Variants in ADAMTS19 observed in about 807,000 individuals in gnomAD.
ADAMTS19 encodes A disintegrin and metalloproteinase with thrombospondin motifs 19.
In ADAMTS19, 93 loss-of-function variants were observed where a neutral mutation model predicts 153.3. The observed-to-expected ratio is 0.61, with a 90% CI of 0.51 to 0.72. The LOEUF (loss-of-function observed/expected upper bound fraction) is 0.72. ADAMTS19 is among the 30% of genes least tolerant of loss of function. The pLI is 0.00. For missense variants in ADAMTS19, 1,482 were observed against 1,552.1 expected (o/e 0.95, Z 0.76); for synonymous variants, 600 against 556.6 (o/e 1.08, Z -1.10).
chr5:129,589,509 A>G (rs948859042), intron 7 of ADAMTS19, among the ~76,000 whole-genome samples: 2 of 152,014 alleles, frequency 1.3e-5, no homozygotes, highest in African/African-American at 2.4e-5. Context: ...TACTTGAACA[A>G]CTTTTATCAC....
At chr5:129,466,662 G>C (rs114276011) in intron 2 of ADAMTS19, among the ~76,000 whole-genome samples, 1 of 152,148 alleles carries the variant, frequency 6.6e-6, no homozygotes, top group African/African-American at 2.4e-5. Flanking sequence ...GTAAGCCATT[G>C]ATTAATAGGT....
chr5:129,570,594 G>A (rs1047082409), intron 7 of ADAMTS19, among the ~76,000 whole-genome samples: 9 of 150,256 alleles, frequency 6.0e-5, no homozygotes, highest in East Asian at 2.0e-4. Flanking sequence ...TAGATTTACC[G>A]ATACTAAAAA....
At chr5:129,598,520 C>G (rs1159588303) in intron 8 of ADAMTS19, among the ~76,000 whole-genome samples, 2 of 152,166 alleles carry the variant, frequency 1.3e-5, no homozygotes, top group East Asian at 3.8e-4. Context: ...TTAAATATAG[C>G]AATGTATCCA....
chr5:129,723,246 C>G (rs1026096247), intron 21 of ADAMTS19, among the ~76,000 whole-genome samples: 3 of 152,146 alleles, frequency 2.0e-5, no homozygotes, highest in African/African-American at 7.2e-5. Flanking sequence ...TTGAACATTG[C>G]TTATACTTCC....
rs1456232907 is a variant in ADAMTS19 at position 129,658,623 on chromosome 5, G to T, written c.2311G>T (p.Gly771Cys). Residue 771 changes from glycine to cysteine, a missense_variant, in exon 15 of 23, where the codon GGC (glycine) becomes TGC (cysteine). Physicochemically the swap from Gly to Cys is radical, Grantham distance 159. Around this residue, in one of 2 missense-constraint regions of ADAMTS19, gnomAD observed 616 missense variants for 724.4 expected, o/e 0.85. Transcript: ENST00000274487. ...ICANGRCQKV[G>C]CDGLLGSLAR... ...TGTCACTCTCTTGTTACAGAAAGTT[G>T]GCTGTGATGGTTTATTAGGGTCTCT... 1 of 1,610,558 alleles carries T rather than the reference G, an allele frequency of 6.2e-7. No individual in the cohort carries two copies. The highest frequency in any genetic ancestry group is 1.1e-5 in the South Asian group (1 of 90,056).
chr5:129,563,189 T>C (rs1290431199), intron 7 of ADAMTS19, among the ~76,000 whole-genome samples: 1 of 152,082 alleles, frequency 6.6e-6, no homozygotes. Flanking sequence ...AATAGCTTAA[T>C]TTTTATTAAA....
chr5:129,609,143 C>T (rs1751072682), intron 8 of ADAMTS19, among the ~76,000 whole-genome samples: 1 of 152,174 alleles, frequency 6.6e-6, no homozygotes, highest in Non-Finnish European at 1.5e-5. Context: ...TCCTCTGACA[C>T]AAATGCCTTG....
chr5:129,633,005 A>AGT (rs1752369110), intron 10 of ADAMTS19, among the ~76,000 whole-genome samples: 1 of 119,958 alleles, frequency 8.3e-6, no homozygotes, highest in South Asian at 2.6e-4. Flanking sequence ...CTCTCCTGAG[A>AGT]ATAGTTACAC....
chr5:129,604,883 T>C (rs1750818869), intron 8 of ADAMTS19, among the ~76,000 whole-genome samples: 1 of 152,188 alleles, frequency 6.6e-6, no homozygotes, highest in African/African-American at 2.4e-5. Flanking sequence ...GCCCTAAAAG[T>C]GTTGCCCCTG....
chr5:129,657,057 T>A (rs1753578147), intron 14 of ADAMTS19, among the ~76,000 whole-genome samples: 1 of 152,234 alleles, frequency 6.6e-6, no homozygotes, highest in Admixed American at 6.5e-5. Context: ...CATACTTGGT[T>A]GTGTTCTGCT....
intron 2 of ADAMTS19, among the ~76,000 whole-genome samples, chr5:129,470,844 G>A (rs1041353398): frequency 3.3e-5 from 5 of 151,496 alleles, no homozygotes; most frequent in Non-Finnish European, 7.4e-5. Flanking sequence ...ATTGTTTTCC[G>A]TTTAAAATAA....
chr5:129,590,909 A>T lies in ADAMTS19; in HGVS notation c.1373-5650A>T, dbSNP rs1423478682. Among the ~76,000 whole-genome samples the T allele has an allele frequency of 7.2e-5, 11 of 152,218 alleles. No homozygotes were observed. In the East Asian group the frequency reaches 1.9e-3, roughly 27 times the overall value. ...TTGCACTGGATCACATTACATGTTA[A>T]TCTTTGTTTCAGACAATTTCACCTG... On this transcript the variant is annotated intron_variant, in intron 7 of 22. Transcript: ENST00000274487.
At chr5:129,508,977 T>A in intron 2 of ADAMTS19, 100 bp from the exon 3 acceptor site, 1 of 969,560 alleles carries the variant, frequency 1.0e-6, no homozygotes, top group Non-Finnish European at 1.5e-6. Context: ...GAAGACTGTA[T>A]GCATGTTTGT....
chr5:129,544,597 A>G (rs1054616283), intron 6 of ADAMTS19, among the ~76,000 whole-genome samples: 1 of 152,202 alleles, frequency 6.6e-6, no homozygotes, highest in Non-Finnish European at 1.5e-5. Flanking sequence ...TTTCACTTGC[A>G]CAGATGAGCC....
intron 21 of ADAMTS19, among the ~76,000 whole-genome samples, chr5:129,723,842 G>A (rs1003587092): frequency 2.6e-5 from 4 of 152,190 alleles, no homozygotes; most frequent in Non-Finnish European, 4.4e-5. Context: ...TTTGGGAAAC[G>A]TAAGACACCA....
At position 129,526,300 on chromosome 5, in the gene ADAMTS19, G is replaced by A; in HGVS notation, c.930G>A (p.Arg310=). ...CGIISDKGRP[R]SRKIAESGRG... ...CTGTTGCAGATAAAGGAAGACCTAG[G>A]TCTAGAAAAATAGCAGAAAGTGGAA... The change falls in exon 4 of 23, where the codon AGG becomes AGA. Residue 310 remains arginine, a synonymous_variant. Transcript: ENST00000274487. 2 of 1,588,116 alleles carry A rather than the reference G, an allele frequency of 1.3e-6. No individual in the cohort carries two copies. Among genetic ancestry groups the A allele is most frequent in the African/African-American group, 1.4e-5 (1 of 73,204 alleles).
chr5:129,710,404 G>A (rs1250645200), intron 21 of ADAMTS19, among the ~76,000 whole-genome samples: 1 of 152,078 alleles, frequency 6.6e-6, no homozygotes, highest in Non-Finnish European at 1.5e-5. Flanking sequence ...CCATGTCTTT[G>A]CTATTGTGAA....
chr5:129,608,116 GTATA>G (rs1554098182), intron 8 of ADAMTS19, among the ~76,000 whole-genome samples: 3 of 47,956 alleles, frequency 6.3e-5, no homozygotes, highest in African/African-American at 1.1e-4. Context: ...GTGTGTGTGT[GTATA>G]TATATATATA....
At chr5:129,543,937 C>T (rs750752018) in intron 6 of ADAMTS19, among the ~76,000 whole-genome samples, 1 of 151,810 alleles carries the variant, frequency 6.6e-6, no homozygotes, top group Non-Finnish European at 1.5e-5. Context: ...ATTAAGTTTA[C>T]ATTAAGTTCA....
Sources: allele counts gnomAD v4.1 joint callset (sites outside exome capture counted in the v4.1 genomes callset), GRCh38; gene constraint gnomAD v4.1.1; regional missense constraint gnomAD v4.1.1; transcripts MANE v1.5; gene names NCBI Gene and HGNC (gene_info 2026-07-23, HGNC 2026-07-21).